Variants in BAZ2B observed in about 807,000 individuals in gnomAD.
The protein encoded by BAZ2B is bromodomain adjacent to zinc finger domain 2B.
In BAZ2B, 91 loss-of-function variants were observed where a neutral mutation model predicts 246.0. The observed-to-expected ratio is 0.37, with a 90% CI of 0.31 to 0.44. The LOEUF (loss-of-function observed/expected upper bound fraction) is 0.44, where lower values mean the gene tolerates loss of function less well. BAZ2B is among the 20% of genes least tolerant of loss of function. The pLI is 1.00. For synonymous variants in BAZ2B, 855 were observed against 860.0 expected, an observed-to-expected ratio of 0.99 and a Z score of 0.10; for missense variants, 2,332 against 2,533.7, an observed-to-expected ratio of 0.92 and a Z score of 1.71.
intron 8 of BAZ2B, chr2:159,437,842 G>C: frequency 6.4e-6 from 1 of 155,400 alleles, no homozygotes; most frequent in East Asian, 1.9e-4. Flanking sequence ...ACTTGGATCC[G>C]GGAGGTGGAG....
chr2:159,689,716 AG>A, the BAZ2B span: 4 of 426,644 alleles, frequency 9.4e-6, no homozygotes, highest in Non-Finnish European at 1.7e-5. Flanking sequence ...GACGATAAAT[AG>A]ATTGGCAAGA....
At position 159,405,094 on chromosome 2, in the gene BAZ2B, G is replaced by C. The variant is rs747242997; in HGVS notation, c.2698C>G (p.Gln900Glu). 6.2e-7 allele frequency: 1 copy of C among 1,613,936 alleles called. No individual in the cohort carries two copies. Among genetic ancestry groups the C allele is most frequent in the Non-Finnish European group, 8.5e-7 (1 of 1,179,970 alleles). The change falls in exon 15 of 37, where the codon CAA (glutamine) becomes GAA (glutamate). Residue 900 changes from glutamine to glutamate, a missense_variant. Coordinates refer to ENST00000392783, the MANE Select transcript of BAZ2B (RefSeq NM_013450.4). ...TGAAGTTTTCTCAAAAGCTTTATTT[G>C]TGCTGCTTGCCTGGCTATTTCTGAA... ...QAQEIARQAAQIKLLRKLQKQ... is the reference protein window; with the variant it reads ...QAQEIARQAAEIKLLRKLQKQ...
In BAZ2B at chr2:159,453,723, G is replaced by C; in HGVS notation, c.224C>G (p.Pro75Arg). Reference protein sequence around the residue: ...VSSAFPMVSHPVFGLHSASSG... With the variant: ...VSSAFPMVSHRVFGLHSASSG... ...GCTGGCTGAATGTAGACCAAAGACT[G>C]GGTGGCTGACCATTGGGAAGGCACT... Residue 75 changes from proline to arginine, a missense_variant, in exon 4 of 37, where the codon CCA becomes CGA. Coordinates refer to ENST00000392783, the MANE Select transcript of BAZ2B (RefSeq NM_013450.4). The C allele has an allele frequency of 6.2e-7, 1 of 1,613,756 alleles. No homozygotes were observed. The highest frequency in any genetic ancestry group is 1.1e-5 in the South Asian group (1 of 90,994).
chr2:159,345,520 C>T (rs1364999285), intron 31 of BAZ2B, among the ~76,000 whole-genome samples: 1 of 152,092 alleles, frequency 6.6e-6, no homozygotes, highest in African/African-American at 2.4e-5. Flanking sequence ...GATAACACAG[C>T]CAAGAACATT....
the BAZ2B span, among the ~76,000 whole-genome samples, chr2:159,635,181 A>G: frequency 6.6e-6 from 1 of 152,160 alleles, no homozygotes; most frequent in Non-Finnish European, 1.5e-5. Context: ...GAAAGGGAAC[A>G]TACCTTGTTC....
At chr2:159,477,280 G>T (rs1320977089) in intron 3 of BAZ2B, among the ~76,000 whole-genome samples, 2 of 151,914 alleles carry the variant, frequency 1.3e-5, no homozygotes, top group Non-Finnish European at 2.9e-5. Flanking sequence ...ACTCCTGACT[G>T]GGTGACAGTG....
chr2:159,501,436 G>A lies in BAZ2B; in HGVS notation c.-2-22715C>T, dbSNP rs114878606. Among the ~76,000 whole-genome samples the A allele has an allele frequency of 7.7e-3, 1,147 of 148,636 alleles. 14 individuals carry two copies. The highest frequency in any genetic ancestry group is 0.026 in the African/African-American group (1,062 of 40,532). On this transcript the variant is annotated intron_variant, in intron 2 of 36. Transcript: ENST00000392783. Reference sequence around the variant, plus strand: ...ACATACACACACACTGTGTGTGTGCGTTTGTGTGTGAAAACATTCAATGGT... The same window carrying A: ...ACATACACACACACTGTGTGTGTGCATTTGTGTGTGAAAACATTCAATGGT...
At position 159,438,347 on chromosome 2, in the gene BAZ2B, A is replaced by C. The variant is rs1426919176; in HGVS notation, c.1249T>G (p.Ser417Ala). ...CTGGTCAATAAACTAGATTCTTCAG[A>C]GGTATTTTTATTCCCTGCTTTAAGA... The part of the protein sequence containing the change: ...DVLKAGNKNT[S>A]EESSLLTSEL... Residue 417 changes from serine (S) to alanine (A), a missense_variant, in exon 8 of 37, where the codon TCT (serine) becomes GCT (alanine). By Grantham distance (99) the Ser-to-Ala change is moderately conservative (BLOSUM62 1). Transcript: ENST00000392783. 1 of 1,614,020 alleles carries C rather than the reference A, an allele frequency of 6.2e-7. No individual in the cohort carries two copies. The highest frequency in any genetic ancestry group is 8.5e-7 in the Non-Finnish European group (1 of 1,179,960).
chr2:159,428,557 A>C, intron 11 of BAZ2B, 138 bp from the exon 12 acceptor site: 1 of 523,138 alleles, frequency 1.9e-6, no homozygotes, highest in Non-Finnish European at 3.3e-6. Context: ...AACAACCCAA[A>C]TACATTAACT....
intron 2 of BAZ2B, among the ~76,000 whole-genome samples, chr2:159,546,274 T>C (rs2087333167): frequency 6.6e-6 from 1 of 151,888 alleles, no homozygotes; most frequent in Non-Finnish European, 1.5e-5. Context: ...CTTGTGATAG[T>C]GAATGAGTCT....
chr2:159,430,771 C>T lies in BAZ2B; in HGVS notation c.2194+92G>A, dbSNP rs966164641. 6.6e-6 allele frequency: 10 copies of T among 1,509,264 alleles called. 1 individual carries two copies. Among genetic ancestry groups the T allele is most frequent in the African/African-American group, 4.2e-5 (3 of 71,426 alleles). The allele number at this position is 1,509,264 out of a possible 1,614,324, so 93.5% of individuals were successfully genotyped here. A position where few individuals can be genotyped will look rare whatever the true frequency, so the allele number is the denominator to read the frequency against. ...TAAAATCTAACTTTAATCTTGATTCCAGTGAGATCATCTCCAGAACACTCT... is the reference window on the plus strand; with the variant it reads ...TAAAATCTAACTTTAATCTTGATTCTAGTGAGATCATCTCCAGAACACTCT... On this transcript the variant is annotated intron_variant, in intron 10 of 36. Transcript: ENST00000392783.
the BAZ2B span, among the ~76,000 whole-genome samples, chr2:159,698,822 AAT>A: frequency 8.5e-5 from 13 of 152,208 alleles, no homozygotes; most frequent in Non-Finnish European, 1.6e-4. Flanking sequence ...TAAAATTTCT[AAT>A]AGTTATAAAT....
chr2:159,415,444 C>CAAAAAAAAAAA (rs66504722), intron 13 of BAZ2B, among the ~76,000 whole-genome samples: 1 of 112,980 alleles, frequency 8.9e-6, no homozygotes, highest in Non-Finnish European at 1.8e-5. Flanking sequence ...GACTCCGTCT[C>CAAAAAAAAAAA]AAAAAAAAAA....
intron 1 of BAZ2B, among the ~76,000 whole-genome samples, chr2:159,566,613 C>T (rs1032679539): frequency 6.6e-6 from 1 of 152,198 alleles, no homozygotes; most frequent in African/African-American, 2.4e-5. Context: ...AAATTTTCAT[C>T]ATCTCCAGAG....
chr2:159,585,914 T>C (rs1194853963), intron 1 of BAZ2B, among the ~76,000 whole-genome samples: 2 of 152,238 alleles, frequency 1.3e-5, no homozygotes, highest in African/African-American at 4.8e-5. Flanking sequence ...TTTTCAACTT[T>C]ATTGGCTTAA....
chr2:159,550,150 G>T (rs559303586), intron 2 of BAZ2B, among the ~76,000 whole-genome samples: 1 of 152,226 alleles, frequency 6.6e-6, no homozygotes, highest in Non-Finnish European at 1.5e-5. Flanking sequence ...GGCCACAATG[G>T]CATAAACATT....
At chr2:159,468,731 C>T (rs575795381) in intron 3 of BAZ2B, among the ~76,000 whole-genome samples, 21 of 152,058 alleles carry the variant, frequency 1.4e-4, no homozygotes, top group Non-Finnish European at 2.6e-4. Context: ...GCTAGATAAA[C>T]GATCTAAGCT....
the BAZ2B span, among the ~76,000 whole-genome samples, chr2:159,711,354 A>C: frequency 6.6e-6 from 1 of 152,258 alleles, no homozygotes; most frequent in Non-Finnish European, 1.5e-5. Flanking sequence ...AATACCTTTA[A>C]GTCTTTAAAA....
rs1308896830 is a variant in BAZ2B at position 159,388,576 on chromosome 2, C to T, written c.3216+769G>A. Among the ~76,000 whole-genome samples the T allele has an allele frequency of 1.2e-4, 18 of 152,224 alleles. No individual in the cohort carries two copies. The East Asian group carries it at 3.3e-3, about 28-fold the overall frequency. On this transcript the variant is annotated intron_variant, in intron 21 of 36. Coordinates refer to ENST00000392783, the MANE Select transcript of BAZ2B (RefSeq NM_013450.4). ...TAATCTTGGGCAAGTTCCTTAACCT[C>T]TTTGTGTCTCAGTTTTCTCATGTAT...
Sources: allele counts gnomAD v4.1 joint callset (sites outside exome capture counted in the v4.1 genomes callset), GRCh38; gene constraint gnomAD v4.1.1; transcripts MANE v1.5; gene names NCBI Gene and HGNC (gene_info 2026-07-23, HGNC 2026-07-21).